Variants in TMEM232 observed in about 807,000 individuals in gnomAD.
The protein encoded by TMEM232 is transmembrane protein 232.
Under a neutral mutation model 78.8 loss-of-function variants are expected in TMEM232, and 80 were observed. The observed-to-expected ratio is 1.01, with a 90% CI of 0.85 to 1.22. The LOEUF (loss-of-function observed/expected upper bound fraction) is 1.22. TMEM232 is among the 50% of genes most tolerant of loss of function. TMEM232 has a pLI of 0.00. For synonymous variants in TMEM232, 297 were observed against 254.3 expected (o/e 1.17, Z -1.60); for missense variants, 881 against 742.2 (o/e 1.19, Z -2.17).
chr5:110,450,712 G>T (rs563203984), intron 12 of TMEM232, among the ~76,000 whole-genome samples: 1 of 152,126 alleles, frequency 6.6e-6, no homozygotes, highest in East Asian at 1.9e-4. Flanking sequence ...ACTCCTGGAT[G>T]TACCCACCCC....
intron 11 of TMEM232, among the ~76,000 whole-genome samples, chr5:110,535,501 T>C (rs1772214381): frequency 6.6e-6 from 1 of 152,318 alleles, no homozygotes; most frequent in Non-Finnish European, 1.5e-5. Context: ...TCTCTTCACA[T>C]GGACGCGCAT....
At chr5:110,617,183 T>C (rs1370392787) in intron 8 of TMEM232, among the ~76,000 whole-genome samples, 1 of 152,108 alleles carries the variant, frequency 6.6e-6, no homozygotes, top group African/African-American at 2.4e-5. Flanking sequence ...GAAAAATAAA[T>C]ACTGCATAAC....
chr5:110,590,859 G>C (rs1033602314), intron 10 of TMEM232, among the ~76,000 whole-genome samples: 1 of 152,108 alleles, frequency 6.6e-6, no homozygotes. Flanking sequence ...GGAGAGAGAA[G>C]AGCAAAGAAG....
At chr5:110,448,429 G>A (rs903929960) in intron 12 of TMEM232, among the ~76,000 whole-genome samples, 10 of 152,080 alleles carry the variant, frequency 6.6e-5, no homozygotes, top group South Asian at 2.1e-4. Flanking sequence ...CTGTTATGTC[G>A]TTCTAGAAAC....
chr5:110,584,237 C>A (rs1035856314), intron 10 of TMEM232, among the ~76,000 whole-genome samples: 3 of 151,556 alleles, frequency 2.0e-5, no homozygotes, highest in African/African-American at 7.3e-5. Flanking sequence ...AGTCAAGATA[C>A]GGAAACAACC....
chr5:110,583,578 G>T (rs1173362323), intron 10 of TMEM232, among the ~76,000 whole-genome samples: 1 of 151,666 alleles, frequency 6.6e-6, no homozygotes, highest in Non-Finnish European at 1.5e-5. Context: ...TTTTAGCAAT[G>T]ATTTTTCGGA....
intron 1 of TMEM232, among the ~76,000 whole-genome samples, chr5:110,725,044 G>T (rs1315764926): frequency 6.6e-6 from 1 of 152,028 alleles, no homozygotes; most frequent in Admixed American, 6.5e-5. Context: ...GAATCAGCAG[G>T]AAACATTTTA....
chr5:110,427,559 A>C (rs1259523984), intron 12 of TMEM232, among the ~76,000 whole-genome samples: 6 of 150,840 alleles, frequency 4.0e-5, no homozygotes, highest in Non-Finnish European at 8.8e-5. Context: ...TACTTTAACA[A>C]ATTACCACAA....
At chr5:110,482,269 T>A (rs1279389497) in intron 12 of TMEM232, among the ~76,000 whole-genome samples, 1 of 151,792 alleles carries the variant, frequency 6.6e-6, no homozygotes, top group East Asian at 1.9e-4. Context: ...TGAAAGAAAA[T>A]TTTTTGAAAC....
intron 11 of TMEM232, among the ~76,000 whole-genome samples, chr5:110,530,270 G>A (rs73783612): frequency 0.04 from 6,150 of 152,258 alleles, 199 homozygotes; most frequent in African/African-American, 0.086. Context: ...ATGTGTCACT[G>A]TGAAAGTCAT....
chr5:110,702,291 A>G (rs1360452677), intron 1 of TMEM232, among the ~76,000 whole-genome samples: 2 of 151,998 alleles, frequency 1.3e-5, no homozygotes, highest in Non-Finnish European at 2.9e-5. Flanking sequence ...GGAGGACAGT[A>G]TAGTCCTATT....
Position 110,450,262 on chromosome 5 carries a change from G to C in TMEM232, c.1704-25346C>G, listed in dbSNP as rs115884202. On this transcript the variant is annotated intron_variant, in intron 12 of 13. Coordinates refer to ENST00000455884, the MANE Select transcript of TMEM232 (RefSeq NM_001039763.4). ...CTCAGGTAGTTCTTTATAACAGTGT[G>C]AGAATGGACTAATGCAATTATTTTT... Among the ~76,000 whole-genome samples the C allele has an allele frequency of 5.8e-3, 876 of 152,236 alleles. 4 individuals are homozygous for C. The highest frequency in any genetic ancestry group is 0.01 in the Middle Eastern group (3 of 294).
rs182593450 is a variant in TMEM232, at chr5:110,594,124, C to T, written c.1276+10985G>A. Among the ~76,000 whole-genome samples, 140 of 151,856 alleles carry T rather than the reference C, an allele frequency of 9.2e-4. 1 individual carries two copies. The highest frequency in any genetic ancestry group is 3.4e-3 in the Middle Eastern group (1 of 294). Reference sequence around the variant, plus strand: ...AAGTACCCAGTTCATCTCATTGGGACTGGTTAGACAGTGGGTGCAGCCCAC... The same window carrying T: ...AAGTACCCAGTTCATCTCATTGGGATTGGTTAGACAGTGGGTGCAGCCCAC... On this transcript the variant is annotated intron_variant, in intron 10 of 13. Coordinates refer to ENST00000455884, the MANE Select transcript of TMEM232 (RefSeq NM_001039763.4).
chr5:110,730,501 G>A (rs1798572356), upstream of TMEM232, among the ~76,000 whole-genome samples: 1 of 152,108 alleles, frequency 6.6e-6, no homozygotes, highest in South Asian at 2.1e-4. Flanking sequence ...TCATGCTGCT[G>A]ATAAGTACAT....
chr5:110,610,265 A>AGGAAGGGAGGAAGGGAGGAAGGGG (rs1782079990), intron 8 of TMEM232, among the ~76,000 whole-genome samples: 3 of 145,468 alleles, frequency 2.1e-5, no homozygotes, highest in African/African-American at 2.6e-5. Context: ...GGAGGAAGGG[A>AGGAAGGGAGGAAGGGAGGAAGGGG]GGAAGGTGGG....
chr5:110,396,033 CTG>C (rs1345070528), intron 3 of TMEM232, among the ~76,000 whole-genome samples: 1 of 152,098 alleles, frequency 6.6e-6, no homozygotes, highest in Non-Finnish European at 1.5e-5. Context: ...ATACCTGAGA[CTG>C]GGTAATTTAT....
In TMEM232 at chr5:110,420,761, T is replaced by TA; in HGVS notation, c.1798-6dup. ...GATCTTTAGCTCTTCCTGCCACTGT[T>TA]ACAGAGAGAAAACGTCATTCACATG... On this transcript the variant is annotated splice_polypyrimidine_tract_variant and splice_region_variant and intron_variant, in intron 13 of 13. Coordinates refer to ENST00000455884, the MANE Select transcript of TMEM232 (RefSeq NM_001039763.4). 1 of 1,510,098 alleles carries TA rather than the reference T, an allele frequency of 6.6e-7. No individual in the cohort carries two copies. The highest frequency in any genetic ancestry group is 8.8e-7 in the Non-Finnish European group (1 of 1,138,708). 93.5% of individuals were successfully genotyped at this position (1,510,098 alleles called of 1,614,324 possible).
chr5:110,611,477 C>G (rs1425005870), intron 8 of TMEM232, among the ~76,000 whole-genome samples: 2 of 152,122 alleles, frequency 1.3e-5, no homozygotes, highest in Non-Finnish European at 2.9e-5. Context: ...AATGACTGCC[C>G]TCTCATCAGG....
At chr5:110,712,397 GA>G (rs1048698495) in intron 1 of TMEM232, among the ~76,000 whole-genome samples, 1 of 151,480 alleles carries the variant, frequency 6.6e-6, no homozygotes, top group African/African-American at 2.4e-5. Flanking sequence ...AACTCTATAG[GA>G]AAAAAAATCT....
Sources: allele counts gnomAD v4.1 joint callset (sites outside exome capture counted in the v4.1 genomes callset), GRCh38; gene constraint gnomAD v4.1.1; transcripts MANE v1.5; gene names NCBI Gene and HGNC (gene_info 2026-07-23, HGNC 2026-07-21).